Variants in SGCZ observed in about 807,000 individuals in gnomAD.
The protein encoded by SGCZ is sarcoglycan zeta.
In SGCZ, 40 loss-of-function variants were observed where a neutral mutation model predicts 41.3. The ratio of observed to expected loss-of-function variants is 0.97; its 90% confidence interval spans 0.75 to 1.26. The LOEUF (loss-of-function observed/expected upper bound fraction) is 1.26. Ranked by LOEUF, SGCZ falls within the 50% of genes most tolerant of loss-of-function variation. SGCZ has a pLI of 0.00. For synonymous variants in SGCZ, 206 were observed against 137.5 expected, an observed-to-expected ratio of 1.50 and a Z score of -3.49; for missense variants, 552 against 369.8, an observed-to-expected ratio of 1.49 and a Z score of -4.04.
chr8:15,105,907 G>A (rs1806807198), intron 1 of SGCZ, among the ~76,000 whole-genome samples: 1 of 150,824 alleles, frequency 6.6e-6, no homozygotes, highest in South Asian at 2.1e-4. Context: ...TGCCAAAAGA[G>A]CCAATTCTTC....
At chr8:14,880,087 C>G (rs1391097995) in intron 1 of SGCZ, among the ~76,000 whole-genome samples, 1 of 152,144 alleles carries the variant, frequency 6.6e-6, no homozygotes, top group Non-Finnish European at 1.5e-5. Flanking sequence ...GTAATCTGCC[C>G]ACCTTGGCCT....
intron 1 of SGCZ, among the ~76,000 whole-genome samples, chr8:14,617,292 T>A (rs1806136022): frequency 6.6e-6 from 1 of 152,208 alleles, no homozygotes; most frequent in Admixed American, 6.5e-5. Context: ...AAATTGAACT[T>A]ACATGTGTGA....
intron 2 of SGCZ, among the ~76,000 whole-genome samples, chr8:14,459,605 T>C (rs1318056625): frequency 2.0e-5 from 3 of 152,102 alleles, no homozygotes; most frequent in Admixed American, 6.5e-5. Flanking sequence ...TCTCAAGACA[T>C]TTATTAATTA....
chr8:14,931,378 A>G (rs1373605894), intron 1 of SGCZ, among the ~76,000 whole-genome samples: 1 of 152,114 alleles, frequency 6.6e-6, no homozygotes, highest in African/African-American at 2.4e-5. Context: ...TGTTTTAACA[A>G]TAAATAATAG....
intron 1 of SGCZ, among the ~76,000 whole-genome samples, chr8:15,104,795 T>G (rs1248281052): frequency 1.3e-5 from 2 of 152,226 alleles, no homozygotes; most frequent in African/African-American, 4.8e-5. Context: ...GGATGTATCA[T>G]AAGCTTTTTA....
chr8:15,156,543 C>G (rs1366170367), intron 1 of SGCZ, among the ~76,000 whole-genome samples: 3 of 152,184 alleles, frequency 2.0e-5, no homozygotes, highest in African/African-American at 4.8e-5. Flanking sequence ...CTTTCTTTCA[C>G]CTTCCCAGCT....
At chr8:14,979,375 T>C (rs1801588199) in intron 1 of SGCZ, among the ~76,000 whole-genome samples, 1 of 152,132 alleles carries the variant, frequency 6.6e-6, no homozygotes, top group Non-Finnish European at 1.5e-5. Flanking sequence ...GCATCTATAA[T>C]TCAAAAACCA....
chr8:14,942,317 C>T lies in SGCZ; in HGVS notation c.39+295268G>A, dbSNP rs571289533. Among the ~76,000 whole-genome samples the T allele has an allele frequency of 3.5e-4, 54 of 152,196 alleles. 1 individual carries two copies. The South Asian group carries it at 0.011, about 30-fold the overall frequency. On this transcript the variant is annotated intron_variant, in intron 1 of 7. Transcript: ENST00000382080. ...AATAAAATCAAAACACTAATGTATA[C>T]ATTTACCATGAGAAATAAGGCCAAC...
intron 1 of SGCZ, among the ~76,000 whole-genome samples, chr8:14,850,044 C>G (rs924384214): frequency 2.6e-5 from 4 of 152,094 alleles, no homozygotes; most frequent in African/African-American, 9.7e-5. Flanking sequence ...CTGTTATACC[C>G]ATTCGCTCTC....
intron 1 of SGCZ, among the ~76,000 whole-genome samples, chr8:15,006,717 TA>T (rs1802617750): frequency 6.6e-6 from 1 of 152,106 alleles, no homozygotes; most frequent in Non-Finnish European, 1.5e-5. Flanking sequence ...TTAGACTCTA[TA>T]AAAAAATCTT....
intron 5 of SGCZ, among the ~76,000 whole-genome samples, chr8:14,156,688 A>G (rs1362608875): frequency 6.6e-6 from 1 of 152,180 alleles, no homozygotes; most frequent in Non-Finnish European, 1.5e-5. Flanking sequence ...CTCTTATTCT[A>G]TAAGCTTTTC....
chr8:14,378,856 AG>A (rs1804247048), intron 2 of SGCZ, among the ~76,000 whole-genome samples: 1 of 152,140 alleles, frequency 6.6e-6, no homozygotes, highest in Admixed American at 6.6e-5. Flanking sequence ...CAGACGTGTG[AG>A]GAAAAACAAG....
rs550517194 is a variant in SGCZ at position 14,176,299 on chromosome 8, T to C, written c.425-11597A>G. 3.9e-5 allele frequency among the ~76,000 whole-genome samples: 6 copies of C among 152,322 alleles called. No individual in the cohort carries two copies. The East Asian group carries it at 7.7e-4, about 20-fold the overall frequency. On this transcript the variant is annotated intron_variant, in intron 4 of 7. Coordinates refer to ENST00000382080, the MANE Select transcript of SGCZ (RefSeq NM_139167.4). ...ATGCAAATTTTAACATATTACATCATGGAAATTACAAAACTTTTTATCTGG... is the reference window on the plus strand; with the variant it reads ...ATGCAAATTTTAACATATTACATCACGGAAATTACAAAACTTTTTATCTGG...
intron 1 of SGCZ, among the ~76,000 whole-genome samples, chr8:14,599,038 T>A (rs1333550826): frequency 6.6e-6 from 1 of 152,074 alleles, no homozygotes; most frequent in Non-Finnish European, 1.5e-5. Context: ...CTAAACCTCC[T>A]CTCCTCCAAT....
At chr8:14,788,648 A>G (rs781042700) in intron 1 of SGCZ, among the ~76,000 whole-genome samples, 3 of 152,198 alleles carry the variant, frequency 2.0e-5, no homozygotes, top group Non-Finnish European at 2.9e-5. Flanking sequence ...AATGTTAGGT[A>G]TTATTTTTTA....
chr8:14,511,280 T>C (rs73664369), intron 2 of SGCZ, among the ~76,000 whole-genome samples: 4,700 of 152,066 alleles, frequency 0.031, 250 homozygotes, highest in African/African-American at 0.11. Flanking sequence ...TATTTAATAA[T>C]AAAAATTGTC....
chr8:14,285,590 T>A (rs201363852), intron 3 of SGCZ, among the ~76,000 whole-genome samples: 3 of 152,036 alleles, frequency 2.0e-5, no homozygotes, highest in African/African-American at 7.2e-5. Flanking sequence ...GTGTTAAAAA[T>A]AAAACAAATG....
At chr8:14,772,030 T>C (rs1800257399) in intron 1 of SGCZ, among the ~76,000 whole-genome samples, 1 of 152,190 alleles carries the variant, frequency 6.6e-6, no homozygotes. Flanking sequence ...AAGTGATACG[T>C]GTTCAGTAGA....
chr8:14,174,972 A>G (rs1804499031), intron 4 of SGCZ, among the ~76,000 whole-genome samples: 2 of 152,220 alleles, frequency 1.3e-5, no homozygotes, highest in East Asian at 1.9e-4. Context: ...GTCATATTGT[A>G]TGGTCCACCC....
Sources: gnomAD v4.1 joint callset for allele counts (sites outside exome capture counted in the v4.1 genomes callset) on GRCh38, gnomAD v4.1.1 for gene constraint, MANE v1.5 for transcripts, NCBI Gene and HGNC (gene_info 2026-07-23, HGNC 2026-07-21) for gene names.